Variants in PC observed in about 807,000 individuals in gnomAD.
PC encodes the protein pyruvate carboxylase.
A neutral mutation model predicts 107.8 loss-of-function variants in PC; 46 were observed. The observed-to-expected ratio is 0.43, with a 90% CI of 0.34 to 0.55. The LOEUF (loss-of-function observed/expected upper bound fraction) is 0.55, where lower values mean the gene tolerates loss of function less well. PC is among the 20% of genes least tolerant of loss of function. The pLI, the probability that PC is intolerant of heterozygous loss-of-function variation, is 0.04. For missense variants in PC, 1,241 were observed against 1,643.1 expected (o/e 0.76, Z 4.23); for synonymous variants, 662 against 684.7 (o/e 0.97, Z 0.52).
At chr11:66,893,055 C>G (rs959519911) in intron 3 of PC, among the ~76,000 whole-genome samples, 1 of 152,058 alleles carries the variant, frequency 6.6e-6, no homozygotes, top group South Asian at 2.1e-4. Flanking sequence ...ATGATTCAAC[C>G]CTGACAGACC....
intron 12 of PC, among the ~76,000 whole-genome samples, chr11:66,854,315 C>G (rs901495286): frequency 6.6e-6 from 1 of 152,260 alleles, no homozygotes; most frequent in Non-Finnish European, 1.5e-5. Flanking sequence ...GGCCTTCGCC[C>G]TGTCCTCACA....
chr11:66,878,166 A>G (rs1467291333), intron 3 of PC, among the ~76,000 whole-genome samples: 2 of 152,054 alleles, frequency 1.3e-5, no homozygotes, highest in Non-Finnish European at 2.9e-5. Flanking sequence ...TGGCCTGCCT[A>G]TAGGTGAGCA....
At chr11:66,860,334 G>GA (rs943179334) in intron 12 of PC, 12 of 1,297,218 alleles carry the variant, frequency 9.3e-6, no homozygotes, top group Non-Finnish European at 1.2e-5. Context: ...GAGGGGCAGG[G>GA]AGCCCTTTCC....
intron 3 of PC, among the ~76,000 whole-genome samples, chr11:66,891,774 AAC>A (rs1277331164): frequency 3.9e-5 from 6 of 152,348 alleles, no homozygotes; most frequent in African/African-American, 1.2e-4. Context: ...CTAGAAATAC[AAC>A]AGAATGTCTA....
chr11:66,884,826 G>A (rs566399653), intron 3 of PC, among the ~76,000 whole-genome samples: 11 of 152,310 alleles, frequency 7.2e-5, no homozygotes, highest in Non-Finnish European at 1.2e-4. Context: ...TCAGGGCTGC[G>A]AGGGGCGACA....
At chr11:66,884,886 T>G (rs1181300465) in intron 3 of PC, among the ~76,000 whole-genome samples, 1 of 152,128 alleles carries the variant, frequency 6.6e-6, no homozygotes, top group African/African-American at 2.4e-5. Context: ...GGACAATCTT[T>G]GCAGGGAGGA....
At chr11:66,869,207 G>A (rs1165403442) in intron 9 of PC, among the ~76,000 whole-genome samples, 2 of 152,058 alleles carry the variant, frequency 1.3e-5, no homozygotes, top group Admixed American at 6.5e-5. Flanking sequence ...GCTGCACCCA[G>A]CTTATCTGGG....
chr11:66,939,816 A>C (rs962105247), intron 3 of PC, among the ~76,000 whole-genome samples: 5 of 150,428 alleles, frequency 3.3e-5, no homozygotes, highest in Admixed American at 2.6e-4. Context: ...AAAAAAAAAA[A>C]AAAAAAAAAA....
At chr11:66,921,639 C>G (rs1038972158) in intron 3 of PC, among the ~76,000 whole-genome samples, 6 of 152,090 alleles carry the variant, frequency 3.9e-5, no homozygotes, top group Non-Finnish European at 8.8e-5. Context: ...TAGATCTGAG[C>G]TCTGCCACTC....
chr11:66,939,066 T>C (rs992181964), intron 3 of PC, among the ~76,000 whole-genome samples: 3 of 152,230 alleles, frequency 2.0e-5, no homozygotes, highest in African/African-American at 7.2e-5. Flanking sequence ...GAGTCGTCAC[T>C]CAGTGACATC....
chr11:66,877,112 G>A (rs780785511), intron 3 of PC, among the ~76,000 whole-genome samples: 14 of 152,224 alleles, frequency 9.2e-5, no homozygotes, highest in South Asian at 2.1e-4. Flanking sequence ...CCGGCCAGGC[G>A]CGGTGGCTCA....
Position 66,940,331 on chromosome 11 carries a change from TG to T in PC, c.-1+12098del, listed in dbSNP as rs1185707761. 2.6e-5 allele frequency among the ~76,000 whole-genome samples: 4 copies of T among 152,060 alleles called. No individual in the cohort carries two copies. The South Asian group carries it at 8.3e-4, about 32-fold the overall frequency. On this transcript the variant is annotated intron_variant, in intron 3 of 22. Transcript: ENST00000393960. ...CTCCCACTTCAGTCTCCCTGGTAGTTGGGACCACACCCGGCCCCTCTGCCCA... is the reference window on the plus strand; with the variant it reads ...CTCCCACTTCAGTCTCCCTGGTAGTTGGACCACACCCGGCCCCTCTGCCCA...
chr11:66,898,082 C>CCT (rs1947819300), intron 3 of PC, among the ~76,000 whole-genome samples: 1 of 152,162 alleles, frequency 6.6e-6, no homozygotes, highest in South Asian at 2.1e-4. Flanking sequence ...AGTACAGTTC[C>CCT]AAAAATGTTT....
chr11:66,915,698 CAG>C (rs1948447260), intron 3 of PC, among the ~76,000 whole-genome samples: 1 of 152,178 alleles, frequency 6.6e-6, no homozygotes, highest in Non-Finnish European at 1.5e-5. Flanking sequence ...CCACAGGCCT[CAG>C]AGGTGGCATG....
At chr11:66,851,995 T>A in intron 15 of PC, 49 bp from the exon 16 acceptor site, 4 of 1,600,658 alleles carry the variant, frequency 2.5e-6, no homozygotes, top group Non-Finnish European at 3.4e-6. Context: ...CCTGGGGAAC[T>A]CCACCAGGCC....
Position 66,858,877 on chromosome 11 carries a change from G to A in PC, c.1368+4897C>T. The A allele has an allele frequency of 6.4e-7, 1 of 1,553,114 alleles. No homozygotes were observed. The highest frequency in any genetic ancestry group is 8.7e-7 in the Non-Finnish European group (1 of 1,148,504). ...GCCTTGCCCCATGGTGGGAACAGCA[G>A]TGCCGAGGGGGGCCGCCCCGGGCCC... On this transcript the variant is annotated intron_variant, in intron 12 of 22. Coordinates refer to ENST00000393960, the MANE Select transcript of PC (RefSeq NM_001040716.2). The surrounding 1 kb of genome is among the most constrained non-coding windows in gnomAD (Gnocchi z 5.9).
At chr11:66,867,657 G>C (rs142845261) in intron 10 of PC, among the ~76,000 whole-genome samples, 13 of 152,340 alleles carry the variant, frequency 8.5e-5, no homozygotes, top group African/African-American at 3.1e-4. Flanking sequence ...CACGTGGCTT[G>C]GGACCTGAGA....
rs534635326 is a variant in PC, at chr11:66,850,403, G to A, written c.2535C>T (p.Tyr845=). ...TGGTGGCCGTGCAGTCGAAGGCCGC[G>A]TACAGTCCCCGAGCCCCCTCCCAGT... ...SEYWEGARGL[Y]AAFDCTATMK... The change falls in exon 19 of 23, where the codon TAC becomes TAT. Residue 845 remains tyrosine, a synonymous_variant. Transcript: ENST00000393960. 6.8e-5 allele frequency: 110 copies of A among 1,614,022 alleles called. 1 individual carries two copies. In the South Asian group the frequency reaches 1.0e-3, roughly 15 times the overall value.
intron 3 of PC, chr11:66,907,971 C>A (rs1948218060): frequency 6.6e-6 from 1 of 152,356 alleles, no homozygotes; most frequent in Non-Finnish European, 1.5e-5. Flanking sequence ...TTTACCGCTC[C>A]CAGGAGAGAG....
Sources: allele counts gnomAD v4.1 joint callset (sites outside exome capture counted in the v4.1 genomes callset), GRCh38; gene constraint gnomAD v4.1.1; non-coding constraint Gnocchi (gnomAD v3.1); transcripts MANE v1.5; gene names NCBI Gene and HGNC (gene_info 2026-07-23, HGNC 2026-07-21).